The following RALGAPA2 variants were observed in gnomAD, a reference collection of about 807,000 sequenced individuals.
The protein encoded by RALGAPA2 is ral GTPase-activating protein subunit alpha-2.
Under a neutral mutation model 230.4 loss-of-function variants are expected in RALGAPA2, and 139 were observed. That is an observed-to-expected ratio of 0.60 (90% CI 0.53 to 0.69). The LOEUF is 0.69. Among genes scored for constraint, RALGAPA2 ranks in the 30% least tolerant of loss-of-function variants. RALGAPA2 has a pLI of 0.00. For missense variants in RALGAPA2, 2,163 were observed against 2,276.0 expected, an observed-to-expected ratio of 0.95 and a Z score of 1.01; for synonymous variants, 847 against 837.8, an observed-to-expected ratio of 1.01 and a Z score of -0.19.
intron 4 of RALGAPA2, among the ~76,000 whole-genome samples, chr20:20,651,132 T>C (rs1209137397): frequency 2.6e-5 from 4 of 152,228 alleles, no homozygotes; most frequent in Admixed American, 1.3e-4. Context: ...TATGTTAAGA[T>C]TGTCTTGATG....
At chr20:20,445,667 C>T (rs375098902) in intron 37 of RALGAPA2, among the ~76,000 whole-genome samples, 1 of 152,208 alleles carries the variant, frequency 6.6e-6, no homozygotes, top group African/African-American at 2.4e-5. Flanking sequence ...CAGTACTTTC[C>T]TCTCAATGCC....
chr20:20,506,056 AAAG>A (rs1385110406), intron 33 of RALGAPA2, among the ~76,000 whole-genome samples: 4 of 152,194 alleles, frequency 2.6e-5, no homozygotes, highest in Non-Finnish European at 5.9e-5. Flanking sequence ...TTTATGAGAA[AAAG>A]AAGATCCTTC....
intron 37 of RALGAPA2, among the ~76,000 whole-genome samples, chr20:20,438,119 T>A (rs1370141778): frequency 6.6e-6 from 1 of 152,232 alleles, no homozygotes. Flanking sequence ...TCCTATCCTC[T>A]AGCTGAAATG....
At chr20:20,534,056 A>G (rs1350347627) in intron 26 of RALGAPA2, among the ~76,000 whole-genome samples, 3 of 152,214 alleles carry the variant, frequency 2.0e-5, no homozygotes, top group Admixed American at 2.0e-4. Flanking sequence ...TAAAATTGAC[A>G]AATTTTTGGC....
intron 10 of RALGAPA2, 92 bp downstream of exon 10, chr20:20,629,271 T>TGA: frequency 2.8e-6 from 3 of 1,070,328 alleles, no homozygotes; most frequent in East Asian, 5.2e-5. Flanking sequence ...GTTGGCGTGT[T>TGA]ACAAGTAAAA....
chr20:20,674,188 AAAT>A (rs72521913), intron 3 of RALGAPA2, among the ~76,000 whole-genome samples: 188 of 146,288 alleles, frequency 1.3e-3, no homozygotes, highest in Non-Finnish European at 1.8e-3. Context: ...ACCCTGACTC[AAAT>A]AATAATAATA....
chr20:20,544,338 C>CAA (rs78312536), intron 24 of RALGAPA2, among the ~76,000 whole-genome samples: 1,104 of 89,380 alleles, frequency 0.012, 17 homozygotes, highest in African/African-American at 0.04. Context: ...GACTCTGTCT[C>CAA]AAAAAAAAAA....
chr20:20,622,347 T>C (rs1282430755), intron 10 of RALGAPA2, among the ~76,000 whole-genome samples: 1 of 151,694 alleles, frequency 6.6e-6, no homozygotes, highest in Non-Finnish European at 1.5e-5. Context: ...ATGGGTGAAA[T>C]ATATCAATCC....
intron 20 of RALGAPA2, among the ~76,000 whole-genome samples, chr20:20,575,377 G>A (rs1311056238): frequency 6.6e-6 from 1 of 151,578 alleles, no homozygotes; most frequent in Non-Finnish European, 1.5e-5. Flanking sequence ...TGTTCCTGAA[G>A]AACCTCAGAT....
intron 38 of RALGAPA2, among the ~76,000 whole-genome samples, chr20:20,403,973 G>A (rs1183549767): frequency 6.6e-6 from 1 of 152,218 alleles, no homozygotes; most frequent in African/African-American, 2.4e-5. Context: ...GGAGGCCACT[G>A]GTTCCCACCA....
chr20:20,512,786 C>T lies in RALGAPA2; in HGVS notation c.4583G>A (p.Gly1528Asp), dbSNP rs1253941151. 5.6e-6 allele frequency: 9 copies of T among 1,613,712 alleles called. No homozygotes were observed. The Admixed American group carries it at 8.3e-5, about 15-fold the overall frequency. ...TAAAAGGCATTCAGGACTTGTATGG[C>T]CAATGTTTTCAAGTAATTTGTCAAG... The part of the protein sequence containing the change: ...DVLDKLLENI[G>D]HTSPECLLPS... The change falls in exon 32 of 40, where the codon GGC becomes GAC. Residue 1528 changes from glycine to aspartate, a missense_variant. Gly to Asp is a moderately conservative substitution (Grantham distance 94, BLOSUM62 -1). Transcript: ENST00000202677.
intron 1 of RALGAPA2, among the ~76,000 whole-genome samples, chr20:20,701,260 G>A (rs1257754368): frequency 6.6e-6 from 1 of 152,092 alleles, no homozygotes; most frequent in Non-Finnish European, 1.5e-5. Context: ...CAGATTAAAT[G>A]CATTAATAAA....
intron 27 of RALGAPA2, among the ~76,000 whole-genome samples, chr20:20,529,620 A>C (rs2063317308): frequency 6.6e-6 from 1 of 152,192 alleles, no homozygotes; most frequent in Non-Finnish European, 1.5e-5. Flanking sequence ...AGTACTTACC[A>C]TTGTGTTCCA....
At chr20:20,620,352 TA>T in intron 11 of RALGAPA2, 110 bp downstream of exon 11, 1 of 1,149,198 alleles carries the variant, frequency 8.7e-7, no homozygotes, top group Non-Finnish European at 1.2e-6. Context: ...TCAGATGGGA[TA>T]AAAAAGAGAT....
chr20:20,454,603 C>T (rs996260718), intron 37 of RALGAPA2, among the ~76,000 whole-genome samples: 1 of 152,208 alleles, frequency 6.6e-6, no homozygotes, highest in Non-Finnish European at 1.5e-5. Context: ...ACTGAAGAGG[C>T]TTTTCCTGAC....
chr20:20,469,676 AAC>A (rs1231614617), intron 37 of RALGAPA2, among the ~76,000 whole-genome samples: 1 of 152,188 alleles, frequency 6.6e-6, no homozygotes, highest in African/African-American at 2.4e-5. Flanking sequence ...TTTTCCCTGA[AAC>A]AAGTTATTTG....
At chr20:20,596,604 A>G (rs888886283) in intron 16 of RALGAPA2, among the ~76,000 whole-genome samples, 11 of 152,234 alleles carry the variant, frequency 7.2e-5, no homozygotes, top group Non-Finnish European at 1.3e-4. Flanking sequence ...AGTAGTAAAG[A>G]ACCAATGGCA....
rs928210003 is a variant in RALGAPA2 at position 20,389,930 on chromosome 20, C to T, written c.*3359G>A. On this transcript the variant is annotated 3_prime_UTR_variant, in exon 40 of 40. Coordinates refer to ENST00000202677, the MANE Select transcript of RALGAPA2 (RefSeq NM_020343.4). The stretch of plus-strand genomic sequence containing the variant: ...TTTTTCCTTATTTACATGTACTAAA[C>T]ATTGTAGACCTGAAAACATAAGGAA... The T allele has an allele frequency of 6.6e-6, 1 of 152,120 alleles. No individual in the cohort carries two copies. Among genetic ancestry groups the T allele is most frequent in the Non-Finnish European group, 1.5e-5 (1 of 68,018 alleles). 9.4% of individuals were successfully genotyped at this position (152,120 alleles called of 1,614,324 possible). A position where few individuals can be genotyped will look rare whatever the true frequency, so the allele number is the denominator to read the frequency against.
chr20:20,453,882 T>C (rs2123188538), intron 37 of RALGAPA2, among the ~76,000 whole-genome samples: 1 of 152,344 alleles, frequency 6.6e-6, no homozygotes. Context: ...AATTGGTGTC[T>C]AGGAATATGA....
Sources: gnomAD v4.1 joint callset for allele counts (sites outside exome capture counted in the v4.1 genomes callset) on GRCh38, gnomAD v4.1.1 for gene constraint, MANE v1.5 for transcripts, NCBI Gene and HGNC (gene_info 2026-07-23, HGNC 2026-07-21) for gene names.